The following CTNND2 variants were observed in gnomAD, a reference collection of about 807,000 sequenced individuals.
The protein encoded by CTNND2 is catenin delta 2, also known as catenin delta-2.
CTNND2 carries 22 observed loss-of-function variants against 144.4 expected under a neutral mutation model. The ratio of observed to expected loss-of-function variants is 0.15; its 90% CI spans 0.11 to 0.22. CTNND2 has a LOEUF of 0.22. CTNND2 is among the 10% of genes least tolerant of loss of function. The pLI is 1.00. For synonymous variants in CTNND2, 751 were observed against 695.6 expected (o/e 1.08, Z -1.25); for missense variants, 1,353 against 1,618.8 (o/e 0.84, Z 2.82).
intron 20 of CTNND2, 145 bp downstream of exon 20, chr5:10,987,966 T>C: frequency 1.0e-6 from 1 of 997,164 alleles, no homozygotes; most frequent in Admixed American, 2.4e-5. Context: ...ATCATCATTA[T>C]CAAGCTCTCA....
intron 1 of CTNND2, among the ~76,000 whole-genome samples, chr5:11,762,642 T>C (rs1284987818): frequency 6.6e-6 from 1 of 152,214 alleles, no homozygotes; most frequent in Non-Finnish European, 1.5e-5. Flanking sequence ...GCATGACATA[T>C]TTTGTAATGA....
At chr5:11,160,691 GAT>G (rs1331877874) in intron 11 of CTNND2, among the ~76,000 whole-genome samples, 9 of 152,278 alleles carry the variant, frequency 5.9e-5, no homozygotes, top group Admixed American at 5.2e-4. Context: ...CATCACTGCA[GAT>G]ATTGGAAATA....
chr5:11,811,938 CATT>C (rs1418575172), intron 1 of CTNND2, among the ~76,000 whole-genome samples: 1 of 152,064 alleles, frequency 6.6e-6, no homozygotes, highest in Non-Finnish European at 1.5e-5. Flanking sequence ...TTTAAAAAAT[CATT>C]ATTAAAATGG....
chr5:11,296,983 TA>T lies in CTNND2; in HGVS notation c.1628+49388del, dbSNP rs930885839. Among the ~76,000 whole-genome samples, 17 of 151,454 alleles carry T rather than the reference TA, an allele frequency of 1.1e-4. No individual in the cohort carries two copies. The East Asian group carries it at 3.1e-3, about 28-fold the overall frequency. On this transcript the variant is annotated intron_variant, in intron 9 of 21. Transcript: ENST00000304623. Reference sequence around the variant, plus strand: ...ATGTACCCTAAAACTTAAAGTATAATAAAAAAAAGAAAGTTTCTCAGTACTT... The same window carrying T: ...ATGTACCCTAAAACTTAAAGTATAATAAAAAAAGAAAGTTTCTCAGTACTT...
chr5:11,482,158 C>T (rs1201193414), intron 3 of CTNND2, among the ~76,000 whole-genome samples: 1 of 152,112 alleles, frequency 6.6e-6, no homozygotes, highest in Non-Finnish European at 1.5e-5. Context: ...GACCTCAATA[C>T]CGCAGGAATT....
At chr5:11,703,474 G>A (rs1384294088) in intron 2 of CTNND2, among the ~76,000 whole-genome samples, 1 of 152,198 alleles carries the variant, frequency 6.6e-6, no homozygotes, top group Non-Finnish European at 1.5e-5. Context: ...ATGGAACACA[G>A]AGAGTAGGGC....
chr5:11,395,681 A>T (rs1245963705), intron 6 of CTNND2, among the ~76,000 whole-genome samples: 12 of 152,258 alleles, frequency 7.9e-5, no homozygotes. Context: ...CCTATCATTC[A>T]GCATTGTGAG....
intron 16 of CTNND2, among the ~76,000 whole-genome samples, chr5:11,054,201 T>C (rs962294200): frequency 6.6e-6 from 1 of 152,222 alleles, no homozygotes; most frequent in East Asian, 1.9e-4. Flanking sequence ...ACGAGGACAA[T>C]GATGGCAGTG....
chr5:11,569,429 G>C (rs1423441619), intron 2 of CTNND2, among the ~76,000 whole-genome samples: 1 of 151,994 alleles, frequency 6.6e-6, no homozygotes, highest in Admixed American at 6.6e-5. Context: ...AATACATTAG[G>C]ATTATTATAA....
chr5:11,348,437 CAAAAA>C (rs3034056), intron 8 of CTNND2, among the ~76,000 whole-genome samples: 14 of 114,716 alleles, frequency 1.2e-4, no homozygotes, highest in Non-Finnish European at 1.4e-4. Context: ...AAATCAAGGG[CAAAAA>C]AAAAAAAAAA....
chr5:11,328,244 A>G (rs916573561), intron 9 of CTNND2, among the ~76,000 whole-genome samples: 7 of 151,856 alleles, frequency 4.6e-5, no homozygotes, highest in Non-Finnish European at 7.4e-5. Flanking sequence ...AGATAAATGT[A>G]TATGTGTTGA....
chr5:11,574,438 A>C (rs2150120730), intron 2 of CTNND2, among the ~76,000 whole-genome samples: 1 of 152,218 alleles, frequency 6.6e-6, no homozygotes, highest in South Asian at 2.1e-4. Flanking sequence ...ATTGCTTCCA[A>C]GCTCTAGGAA....
At chr5:11,203,107 T>C (rs1737655975) in intron 10 of CTNND2, among the ~76,000 whole-genome samples, 1 of 152,000 alleles carries the variant, frequency 6.6e-6, no homozygotes, top group Non-Finnish European at 1.5e-5. Flanking sequence ...ACCTGGCCCC[T>C]TCCTCCAATT....
intron 2 of CTNND2, among the ~76,000 whole-genome samples, chr5:11,728,356 C>G (rs963836423): frequency 1.2e-4 from 18 of 151,738 alleles, no homozygotes; most frequent in Admixed American, 2.6e-4. Context: ...GTAATCCCAG[C>G]TATTCAGGAG....
chr5:11,181,920 AGGCTATG>A (rs1735053675), intron 11 of CTNND2, among the ~76,000 whole-genome samples: 1 of 101,306 alleles, frequency 9.9e-6, no homozygotes, highest in African/African-American at 4.0e-5. Context: ...GTGTGTGTGG[AGGCTATG>A]TGTGTGGTGT....
At chr5:11,370,672 T>C (rs1271498099) in intron 7 of CTNND2, among the ~76,000 whole-genome samples, 1 of 152,188 alleles carries the variant, frequency 6.6e-6, no homozygotes, top group South Asian at 2.1e-4. Flanking sequence ...TACAAAGAAA[T>C]ATATTTTTCC....
chr5:11,590,989 A>C (rs1262007922), intron 2 of CTNND2, among the ~76,000 whole-genome samples: 1 of 152,216 alleles, frequency 6.6e-6, no homozygotes, highest in Non-Finnish European at 1.5e-5. Context: ...ATTCACCTTT[A>C]CTTAGGTATT....
rs551739071 is a variant in CTNND2 at position 11,715,285 on chromosome 5, C to G, written c.174+16851G>C. Among the ~76,000 whole-genome samples the G allele has an allele frequency of 2.6e-5, 4 of 152,276 alleles. No homozygotes were observed. In the East Asian group the frequency reaches 7.7e-4, roughly 29 times the overall value. ...AGACTGCCAAATGCTTTATTGAAAT[C>G]ACGAAGCATTACATCTTCAGGTTGT... On this transcript the variant is annotated intron_variant, in intron 2 of 21. Coordinates refer to ENST00000304623, the MANE Select transcript of CTNND2 (RefSeq NM_001332.4).
At chr5:11,630,941 C>T (rs1279405427) in intron 2 of CTNND2, among the ~76,000 whole-genome samples, 4 of 149,030 alleles carry the variant, frequency 2.7e-5, no homozygotes, top group East Asian at 4.0e-4. Context: ...GCAACAAGAG[C>T]GAAACTCCAT....
Sources: allele counts gnomAD v4.1 joint callset (sites outside exome capture counted in the v4.1 genomes callset), GRCh38; gene constraint gnomAD v4.1.1; transcripts MANE v1.5; gene names NCBI Gene and HGNC (gene_info 2026-07-23, HGNC 2026-07-21).